PTPRT: variants seen among roughly 807,000 people sequenced by gnomAD.
The protein encoded by PTPRT is receptor-type tyrosine-protein phosphatase T.
A neutral mutation model predicts 176.8 loss-of-function variants in PTPRT; 56 were observed. That is an observed-to-expected ratio of 0.32 (90% CI 0.26 to 0.40). PTPRT has a LOEUF of 0.40. PTPRT is among the 10% of genes least tolerant of loss of function. PTPRT has a pLI of 1.00. For synonymous variants in PTPRT, 783 were observed against 739.0 expected (o/e 1.06, Z -0.96); for missense variants, 1,540 against 1,908.2 (o/e 0.81, Z 3.60).
intron 1 of PTPRT, among the ~76,000 whole-genome samples, chr20:42,944,166 G>T (rs1436201135): frequency 6.6e-6 from 1 of 152,138 alleles, no homozygotes; most frequent in Non-Finnish European, 1.5e-5. Flanking sequence ...ACTGAGTCAT[G>T]AAGACTTCTG....
intron 8 of PTPRT, among the ~76,000 whole-genome samples, chr20:42,461,267 C>T (rs929998132): frequency 2.6e-5 from 4 of 152,152 alleles, no homozygotes; most frequent in Middle Eastern, 3.2e-3. Flanking sequence ...GCGGAGGTTG[C>T]GGTGAGCCAA....
chr20:43,083,966 C>T (rs1324693450), intron 1 of PTPRT, among the ~76,000 whole-genome samples: 1 of 152,190 alleles, frequency 6.6e-6, no homozygotes, highest in Non-Finnish European at 1.5e-5. Flanking sequence ...GCATGTGTCA[C>T]CATCCATTTC....
chr20:42,842,944 T>C (rs7271146), intron 2 of PTPRT, among the ~76,000 whole-genome samples: 13,191 of 152,200 alleles, frequency 0.087, 696 homozygotes, highest in Admixed American at 0.15. Context: ...CCCCGCTTCT[T>C]AAAATTATCA....
chr20:42,214,937 A>G (rs1370248888), intron 15 of PTPRT, among the ~76,000 whole-genome samples: 1 of 152,240 alleles, frequency 6.6e-6, no homozygotes, highest in Non-Finnish European at 1.5e-5. Context: ...AAACCTCCCT[A>G]TAACTCAGTT....
the PTPRT span, among the ~76,000 whole-genome samples, chr20:42,044,644 T>C: frequency 6.6e-6 from 1 of 152,232 alleles, no homozygotes; most frequent in African/African-American, 2.4e-5. Context: ...TGAATATCTG[T>C]GATTTGCTGG....
chr20:42,309,088 A>G (rs183245124), intron 12 of PTPRT, among the ~76,000 whole-genome samples: 11 of 152,292 alleles, frequency 7.2e-5, no homozygotes, highest in Middle Eastern at 6.8e-3. Flanking sequence ...TCCAGGTTAA[A>G]TGTACCCCTA....
At chr20:42,238,935 A>G (rs971609443) in intron 14 of PTPRT, among the ~76,000 whole-genome samples, 4 of 152,224 alleles carry the variant, frequency 2.6e-5, no homozygotes, top group African/African-American at 7.2e-5. Context: ...ATTCCCAAGA[A>G]TCACCATAGG....
chr20:42,340,314 T>C (rs538695148), intron 11 of PTPRT, among the ~76,000 whole-genome samples: 1 of 152,346 alleles, frequency 6.6e-6, no homozygotes, highest in African/African-American at 2.4e-5. Flanking sequence ...GCTCTGGGCA[T>C]GAATACTTAT....
At chr20:42,128,896 T>C (rs952475613) in intron 18 of PTPRT, 66 bp from the exon 19 acceptor site, 5 of 1,347,262 alleles carry the variant, frequency 3.7e-6, no homozygotes, top group Non-Finnish European at 5.1e-6. Flanking sequence ...TGTCCTCCTT[T>C]AGAACTACTG....
chr20:42,633,781 G>GAAAAAAAA (rs757072641), intron 7 of PTPRT, among the ~76,000 whole-genome samples: 66 of 32,838 alleles, frequency 2.0e-3, no homozygotes, highest in African/African-American at 0.012. Flanking sequence ...GCAAGACTCT[G>GAAAAAAAA]AAAATATATA....
At chr20:42,737,646 C>T (rs572045755) in intron 6 of PTPRT, among the ~76,000 whole-genome samples, 1 of 138,124 alleles carries the variant, frequency 7.2e-6, no homozygotes, top group Admixed American at 7.3e-5. Flanking sequence ...AAAAAAAAGG[C>T]ATGAAACAGA....
At chr20:42,427,630 A>G (rs928486116) in intron 9 of PTPRT, among the ~76,000 whole-genome samples, 5 of 152,140 alleles carry the variant, frequency 3.3e-5, no homozygotes, top group South Asian at 2.1e-4. Flanking sequence ...GCATTTTATC[A>G]TCTCCCAAAG....
At chr20:42,045,357 C>A in the PTPRT span, among the ~76,000 whole-genome samples, 6 of 151,968 alleles carry the variant, frequency 3.9e-5, no homozygotes, top group South Asian at 1.3e-3. Flanking sequence ...GGAAGAAATA[C>A]ACTGAGTGGC....
chr20:42,465,675 C>A (rs947773309), intron 8 of PTPRT, among the ~76,000 whole-genome samples: 1 of 152,150 alleles, frequency 6.6e-6, no homozygotes. Context: ...AAATAGCTAC[C>A]TTTCAAGTGT....
At chr20:42,820,483 A>T (rs2145652992) in intron 2 of PTPRT, among the ~76,000 whole-genome samples, 1 of 152,268 alleles carries the variant, frequency 6.6e-6, no homozygotes, top group South Asian at 2.1e-4. Flanking sequence ...TATCAAATTG[A>T]TATCCTAACA....
chr20:42,309,890 T>G (rs574030862), intron 12 of PTPRT, among the ~76,000 whole-genome samples: 13 of 152,236 alleles, frequency 8.5e-5, no homozygotes, highest in Non-Finnish European at 1.6e-4. Flanking sequence ...CCCAACAACA[T>G]GTGCAAATAA....
intron 1 of PTPRT, among the ~76,000 whole-genome samples, chr20:43,050,136 G>A (rs1159293742): frequency 1.3e-5 from 2 of 152,142 alleles, no homozygotes; most frequent in African/African-American, 4.8e-5. Flanking sequence ...GGTTACCAAG[G>A]AAGGGAACAT....
At chr20:42,396,469 C>T (rs1371780389) in intron 9 of PTPRT, among the ~76,000 whole-genome samples, 1 of 151,682 alleles carries the variant, frequency 6.6e-6, no homozygotes, top group Admixed American at 6.6e-5. Flanking sequence ...AAACAAAAAG[C>T]CAAATTAGTT....
At chr20:42,731,732 A>T (rs1356016570) in intron 6 of PTPRT, among the ~76,000 whole-genome samples, 5 of 152,160 alleles carry the variant, frequency 3.3e-5, no homozygotes, top group Admixed American at 3.3e-4. Flanking sequence ...TAAGGTCTTA[A>T]GTGATTTGAT....
Sources: gnomAD v4.1 joint callset for allele counts (sites outside exome capture counted in the v4.1 genomes callset) on GRCh38, gnomAD v4.1.1 for gene constraint, MANE v1.5 for transcripts, NCBI Gene and HGNC (gene_info 2026-07-23, HGNC 2026-07-21) for gene names.